TENM4: variants seen among roughly 807,000 people sequenced by gnomAD.
TENM4 encodes the protein teneurin transmembrane protein 4, also known as teneurin-4.
In TENM4, 82 loss-of-function variants were observed where a neutral mutation model predicts 243.3. The ratio of observed to expected loss-of-function variants is 0.34; its 90% CI spans 0.28 to 0.40. The LOEUF is 0.40. TENM4 is among the 10% of genes least tolerant of loss of function. The pLI, the probability that TENM4 is intolerant of heterozygous loss-of-function variation, is 1.00. For missense variants in TENM4, 3,138 were observed against 3,673.3 expected (o/e 0.85, Z 3.77); for synonymous variants, 1,412 against 1,456.3 (o/e 0.97, Z 0.69).
chr11:79,207,417 T>C (rs1270904369), intron 3 of TENM4, among the ~76,000 whole-genome samples: 2 of 152,222 alleles, frequency 1.3e-5, no homozygotes, highest in African/African-American at 2.4e-5. Flanking sequence ...ATTTTGTTAT[T>C]ACTACTATAT....
chr11:79,070,337 T>A (rs1860380123), intron 4 of TENM4, among the ~76,000 whole-genome samples: 1 of 152,106 alleles, frequency 6.6e-6, no homozygotes, highest in South Asian at 2.1e-4. Flanking sequence ...CCTGTTTGGT[T>A]CCCATCACAT....
intron 1 of TENM4, among the ~76,000 whole-genome samples, chr11:79,385,456 A>G (rs1858092191): frequency 1.3e-5 from 2 of 152,208 alleles, no homozygotes; most frequent in African/African-American, 2.4e-5. Flanking sequence ...TTTGTGCCTC[A>G]TCTACAAAAA....
At chr11:78,715,327 A>AT (rs1188051948) in intron 25 of TENM4, among the ~76,000 whole-genome samples, 1 of 151,944 alleles carries the variant, frequency 6.6e-6, no homozygotes. Flanking sequence ...AGGCGGGGTG[A>AT]TTTTTTTCAT....
chr11:79,312,487 C>G (rs1443798069), intron 1 of TENM4, among the ~76,000 whole-genome samples: 1 of 152,136 alleles, frequency 6.6e-6, no homozygotes, highest in Non-Finnish European at 1.5e-5. Flanking sequence ...AAAGTATGTC[C>G]TATAATGATT....
intron 2 of TENM4, among the ~76,000 whole-genome samples, chr11:79,272,099 C>T (rs1475950776): frequency 3.9e-5 from 6 of 152,168 alleles, no homozygotes; most frequent in South Asian, 4.1e-4. Context: ...CTTTGTGACT[C>T]TAAAGTCACA....
chr11:79,367,665 A>G (rs1254479596), intron 1 of TENM4, among the ~76,000 whole-genome samples: 1 of 152,238 alleles, frequency 6.6e-6, no homozygotes, highest in Non-Finnish European at 1.5e-5. Flanking sequence ...ATGCTAATCC[A>G]ATGTGTCAAC....
At chr11:79,040,222 T>G (rs984977025) in intron 6 of TENM4, among the ~76,000 whole-genome samples, 10 of 152,198 alleles carry the variant, frequency 6.6e-5, no homozygotes, top group Admixed American at 5.9e-4. Flanking sequence ...TCTTTTTTTG[T>G]AACATGGGAG....
chr11:79,084,935 G>T (rs1363156504), intron 4 of TENM4, among the ~76,000 whole-genome samples: 1 of 152,168 alleles, frequency 6.6e-6, no homozygotes, highest in Non-Finnish European at 1.5e-5. Context: ...TCAACATCCT[G>T]CTTGTGTTAT....
intron 6 of TENM4, among the ~76,000 whole-genome samples, chr11:78,904,377 T>TAAAAAAAAAAAAAAAAAAAAA (rs1333665292): frequency 1.5e-4 from 15 of 100,168 alleles, no homozygotes; most frequent in African/African-American, 6.6e-4. Context: ...AAAAAAAAAG[T>TAAAAAAAAAAAAAAAAAAAAA]AAAACATAGA....
intron 7 of TENM4, among the ~76,000 whole-genome samples, chr11:78,896,639 C>T (rs1419399807): frequency 6.6e-6 from 1 of 152,102 alleles, no homozygotes; most frequent in African/African-American, 2.4e-5. Flanking sequence ...CAAGCTCTCT[C>T]CTGGCTCTGT....
At position 78,903,317 on chromosome 11, in the gene TENM4, G is replaced by GGGCAGGCTCCTGGGCGCCGCC. The variant is rs1855977560; in HGVS notation, c.679_699dup (p.Gly227_Ala233dup). The stretch of plus-strand genomic sequence containing the variant: ...TTGAGCAGCCAGTTCTCCTGGGCGT[G>GGGCAGGCTCCTGGGCGCCGCC]GGCAGGCTCCTGGGCGCCGCCGGCA... On this transcript the variant is annotated inframe_insertion, in exon 7 of 34. Coordinates refer to ENST00000278550, the MANE Select transcript of TENM4 (RefSeq NM_001098816.3). 6.1e-6 allele frequency: 9 copies of GGGCAGGCTCCTGGGCGCCGCC among 1,484,220 alleles called. 1 individual carries two copies. In the Admixed American group the frequency reaches 2.5e-4, roughly 41 times the overall value. 91.9% of individuals were successfully genotyped at this position (1,484,220 alleles called of 1,614,324 possible). A position where few individuals can be genotyped will look rare whatever the true frequency, so the allele number is the denominator to read the frequency against.
intron 3 of TENM4, among the ~76,000 whole-genome samples, chr11:79,194,980 C>T (rs1863592596): frequency 6.6e-6 from 1 of 152,178 alleles, no homozygotes; most frequent in African/African-American, 2.4e-5. Context: ...GTGCTGTGTG[C>T]AGCCTAGGGA....
At chr11:79,365,567 T>C (rs1287215675) in intron 1 of TENM4, among the ~76,000 whole-genome samples, 1 of 152,194 alleles carries the variant, frequency 6.6e-6, no homozygotes, top group African/African-American at 2.4e-5. Context: ...GAAACATTTT[T>C]GCCAAGCTCT....
intron 1 of TENM4, among the ~76,000 whole-genome samples, chr11:79,431,236 T>C (rs968744035): frequency 3.3e-5 from 5 of 152,246 alleles, no homozygotes; most frequent in African/African-American, 1.2e-4. Context: ...TAGTGTTTAG[T>C]ATTTTTTAAA....
At chr11:79,203,531 A>G (rs576124338) in intron 3 of TENM4, among the ~76,000 whole-genome samples, 4 of 152,348 alleles carry the variant, frequency 2.6e-5, no homozygotes, top group African/African-American at 7.2e-5. Flanking sequence ...CTATACATAC[A>G]TATCTATAAT....
chr11:78,978,093 C>G (rs1043023249), intron 6 of TENM4, among the ~76,000 whole-genome samples: 2 of 152,026 alleles, frequency 1.3e-5, no homozygotes, highest in Non-Finnish European at 2.9e-5. Context: ...TCTCAGCAAA[C>G]TAACACAGGA....
chr11:79,055,789 T>C (rs1192355020), intron 6 of TENM4, among the ~76,000 whole-genome samples: 1 of 152,138 alleles, frequency 6.6e-6, no homozygotes, highest in African/African-American at 2.4e-5. Context: ...AGTAGCTGAG[T>C]TGGGATTCCA....
At chr11:78,823,203 C>T (rs1591050006) in intron 12 of TENM4, among the ~76,000 whole-genome samples, 1 of 152,226 alleles carries the variant, frequency 6.6e-6, no homozygotes, top group East Asian at 1.9e-4. Flanking sequence ...CCGGGAAATG[C>T]CTCGTCTTCC....
At chr11:79,423,948 G>A (rs1858994517) in intron 1 of TENM4, among the ~76,000 whole-genome samples, 1 of 152,122 alleles carries the variant, frequency 6.6e-6, no homozygotes, top group South Asian at 2.1e-4. Flanking sequence ...GGGTGTGAAG[G>A]TTCTTTCTCA....
Sources: gnomAD v4.1 joint callset for allele counts (sites outside exome capture counted in the v4.1 genomes callset) on GRCh38, gnomAD v4.1.1 for gene constraint, MANE v1.5 for transcripts, NCBI Gene and HGNC (gene_info 2026-07-23, HGNC 2026-07-21) for gene names.